Variants in PRELID2 observed in about 807,000 individuals in gnomAD.
The protein encoded by PRELID2 is PRELI domain containing 2, also known as PRELI domain-containing protein 2.
A neutral mutation model predicts 28.4 loss-of-function variants in PRELID2; 25 were observed. The observed-to-expected ratio is 0.88, with a 90% CI of 0.64 to 1.23. The LOEUF is 1.23. PRELID2 is among the 50% of genes most tolerant of loss of function. PRELID2 has a pLI of 0.00. For missense variants in PRELID2, 201 were observed against 214.4 expected, an observed-to-expected ratio of 0.94 and a Z score of 0.39; for synonymous variants, 76 against 71.6, an observed-to-expected ratio of 1.06 and a Z score of -0.31.
chr5:145,510,165 T>C (rs1752448980), intron 1 of PRELID2, among the ~76,000 whole-genome samples: 1 of 152,138 alleles, frequency 6.6e-6, no homozygotes, highest in Non-Finnish European at 1.5e-5. Context: ...CACTCAAACC[T>C]CAATAAATAA....
chr5:145,278,728 A>G, the PRELID2 span, among the ~76,000 whole-genome samples: 1 of 152,130 alleles, frequency 6.6e-6, no homozygotes, highest in Non-Finnish European at 1.5e-5. Context: ...AAGGAACACA[A>G]GGAGGTAAGG....
chr5:145,653,238 A>C (rs1754331389), intron 1 of PRELID2, among the ~76,000 whole-genome samples: 1 of 152,360 alleles, frequency 6.6e-6, no homozygotes, highest in Middle Eastern at 3.4e-3. Flanking sequence ...AGGAGCACCC[A>C]GATTTATAAA....
chr5:145,675,042 T>A (rs1754787205), intron 1 of PRELID2, among the ~76,000 whole-genome samples: 1 of 152,026 alleles, frequency 6.6e-6, no homozygotes, highest in Non-Finnish European at 1.5e-5. Context: ...AAAATCTACA[T>A]GCAATAAGAG....
chr5:145,291,871 C>T, the PRELID2 span, among the ~76,000 whole-genome samples: 1 of 152,184 alleles, frequency 6.6e-6, no homozygotes, highest in South Asian at 2.1e-4. Context: ...ACATCATTTA[C>T]TGAAATGACT....
At chr5:145,431,004 T>TG in the PRELID2 span, among the ~76,000 whole-genome samples, 1 of 118,076 alleles carries the variant, frequency 8.5e-6, no homozygotes, top group East Asian at 2.3e-4. Context: ...GCCCTGGCAA[T>TG]GGTTTTTTTT....
At chr5:145,592,208 A>G (rs994024031) in intron 1 of PRELID2, among the ~76,000 whole-genome samples, 1 of 152,108 alleles carries the variant, frequency 6.6e-6, no homozygotes, top group Non-Finnish European at 1.5e-5. Context: ...CAAGGTCAGG[A>G]GTTTGAGACC....
At chr5:145,644,165 C>T (rs1197283479) in intron 1 of PRELID2, among the ~76,000 whole-genome samples, 1 of 151,900 alleles carries the variant, frequency 6.6e-6, no homozygotes, top group Non-Finnish European at 1.5e-5. Context: ...GGTTGGTAGG[C>T]TATTAATTAC....
the PRELID2 span, among the ~76,000 whole-genome samples, chr5:145,451,848 C>A: frequency 1.3e-5 from 2 of 152,116 alleles, no homozygotes; most frequent in South Asian, 4.1e-4. Context: ...AAACTCCTCA[C>A]TTTAAGACTA....
intron 1 of PRELID2, among the ~76,000 whole-genome samples, chr5:145,491,476 T>C (rs2126626971): frequency 1.3e-5 from 2 of 152,312 alleles, no homozygotes; most frequent in Middle Eastern, 6.8e-3. Flanking sequence ...TTTTGAAGTA[T>C]ATGAACATTG....
chr5:145,351,025 T>C, the PRELID2 span, among the ~76,000 whole-genome samples: 1 of 152,164 alleles, frequency 6.6e-6, no homozygotes, highest in South Asian at 2.1e-4. Flanking sequence ...ATTTAGGTAA[T>C]TTAACTCTCA....
chr5:145,573,092 G>A (rs960308007), intron 1 of PRELID2, among the ~76,000 whole-genome samples: 1 of 152,076 alleles, frequency 6.6e-6, no homozygotes, highest in East Asian at 1.9e-4. Flanking sequence ...CTTAACCCAA[G>A]GAAAGTTCAC....
At chr5:145,421,181 G>T in the PRELID2 span, among the ~76,000 whole-genome samples, 2 of 151,288 alleles carry the variant, frequency 1.3e-5, no homozygotes, top group Non-Finnish European at 3.0e-5. Context: ...CAAGGATATT[G>T]GTCTAAAATT....
At chr5:145,479,459 A>G (rs566785529) in intron 1 of PRELID2, among the ~76,000 whole-genome samples, 1 of 152,242 alleles carries the variant, frequency 6.6e-6, no homozygotes, top group South Asian at 2.1e-4. Context: ...TCAGGAAGAC[A>G]GTCCCTGAAC....
At chr5:145,661,571 C>G (rs115358887) in intron 1 of PRELID2, among the ~76,000 whole-genome samples, 2,424 of 151,218 alleles carry the variant, frequency 0.016, 77 homozygotes, top group African/African-American at 0.055. Flanking sequence ...CAGTGGAAAC[C>G]TCTAAACCAA....
chr5:145,805,836 C>T (rs1561630256), intron 4 of PRELID2, among the ~76,000 whole-genome samples: 1 of 152,192 alleles, frequency 6.6e-6, no homozygotes, highest in African/African-American at 2.4e-5. Context: ...TGTTACTATA[C>T]CGCATACTGT....
intron 1 of PRELID2, among the ~76,000 whole-genome samples, chr5:145,683,846 G>A (rs564558953): frequency 5.9e-5 from 9 of 152,204 alleles, no homozygotes; most frequent in Non-Finnish European, 1.2e-4. Context: ...CCAGTAGAAC[G>A]AGCTGCTGAT....
At chr5:145,716,393 C>T (rs917153230) in intron 1 of PRELID2, among the ~76,000 whole-genome samples, 1 of 152,128 alleles carries the variant, frequency 6.6e-6, no homozygotes, top group Non-Finnish European at 1.5e-5. Context: ...TGGTGAGCTA[C>T]CATGTCTTGA....
intron 1 of PRELID2, among the ~76,000 whole-genome samples, chr5:145,603,612 G>A (rs1230558521): frequency 6.6e-6 from 1 of 152,046 alleles, no homozygotes; most frequent in Non-Finnish European, 1.5e-5. Context: ...AATTAGAGAT[G>A]CAGAAAAAGG....
chr5:145,258,155 C>G, the PRELID2 span, among the ~76,000 whole-genome samples: 2 of 152,178 alleles, frequency 1.3e-5, no homozygotes, highest in Non-Finnish European at 2.9e-5. Context: ...GCCAATTAAA[C>G]AGCTTTTCTT....
Sources: gnomAD v4.1 joint callset for allele counts (sites outside exome capture counted in the v4.1 genomes callset) on GRCh38, gnomAD v4.1.1 for gene constraint, MANE v1.5 for transcripts, NCBI Gene and HGNC (gene_info 2026-07-23, HGNC 2026-07-21) for gene names.